TTC23L: variants seen among roughly 807,000 people sequenced by gnomAD.
The protein encoded by TTC23L is tetratricopeptide repeat domain 23 like.
In TTC23L, 42 loss-of-function variants were observed where a neutral mutation model predicts 48.1. The observed-to-expected ratio is 0.87, with a 90% CI of 0.68 to 1.13. The LOEUF (loss-of-function observed/expected upper bound fraction) is 1.13. Among genes scored for constraint, TTC23L ranks in the 50% most tolerant of loss-of-function variants. TTC23L has a pLI of 0.00. For missense variants in TTC23L, 391 were observed against 421.0 expected, an observed-to-expected ratio of 0.93 and a Z score of 0.62; for synonymous variants, 159 against 157.2, an observed-to-expected ratio of 1.01 and a Z score of -0.09.
intron 2 of TTC23L, among the ~76,000 whole-genome samples, chr5:34,843,758 C>G (rs964562740): frequency 6.6e-6 from 1 of 152,084 alleles, no homozygotes; most frequent in Non-Finnish European, 1.5e-5. Context: ...CACAGATTTC[C>G]TCTCTCCTCA....
At chr5:34,867,827 A>G (rs1761183823) in intron 7 of TTC23L, 1 of 152,298 alleles carries the variant, frequency 6.6e-6, no homozygotes, top group South Asian at 2.1e-4. Flanking sequence ...ACAGTCCACA[A>G]TTATAAACAT....
chr5:34,845,437 TG>T, intron 2 of TTC23L, 49 bp from the exon 3 acceptor site: 1 of 1,559,108 alleles, frequency 6.4e-7, no homozygotes, highest in Non-Finnish European at 8.7e-7. Context: ...TTACCTTGTT[TG>T]AGATGGAGAA....
intron 8 of TTC23L, among the ~76,000 whole-genome samples, chr5:34,871,279 A>T (rs1041550152): frequency 6.6e-6 from 1 of 152,032 alleles, no homozygotes; most frequent in Non-Finnish European, 1.5e-5. Context: ...AGCAATGAAC[A>T]ACTGGAAACA....
At position 34,889,118 on chromosome 5, in the gene TTC23L, C is replaced by T. The variant is rs74321882; in HGVS notation, c.1078-7652C>T. ...GTTTGTCTCAGAATAGTATTGACCT[C>T]GAACTGTTCTCTTCTAAGAGGGAAG... On this transcript the variant is annotated intron_variant, in intron 9 of 10. Transcript: ENST00000505624. Among the ~76,000 whole-genome samples, 1,123 of 152,192 alleles carry T rather than the reference C, an allele frequency of 7.4e-3. 13 individuals are homozygous for T. Among genetic ancestry groups the T allele is most frequent in the African/African-American group, 0.026 (1,087 of 41,516 alleles).
At chr5:34,892,032 C>T (rs1356758952) in intron 9 of TTC23L, among the ~76,000 whole-genome samples, 1 of 152,184 alleles carries the variant, frequency 6.6e-6, no homozygotes, top group African/African-American at 2.4e-5. Context: ...CTGAAACAAG[C>T]CCATATCTCA....
the TTC23L span, chr5:34,908,902 A>T: frequency 1.2e-6 from 2 of 1,611,992 alleles, no homozygotes; most frequent in Non-Finnish European, 1.7e-6. Context: ...ACCTTACAAG[A>T]TAGGACTAAT....
the TTC23L span, chr5:34,908,976 A>T: frequency 6.4e-7 from 1 of 1,563,258 alleles, no homozygotes; most frequent in East Asian, 2.2e-5. Flanking sequence ...AAACGCTGTT[A>T]TATCAACACA....
chr5:34,888,047 G>A (rs1433710297), intron 9 of TTC23L, among the ~76,000 whole-genome samples: 2 of 152,290 alleles, frequency 1.3e-5, no homozygotes, highest in Non-Finnish European at 1.5e-5. Flanking sequence ...GGGACCTTTA[G>A]AAGGTGACTA....
At chr5:34,847,973 A>G (rs897083581) in intron 3 of TTC23L, among the ~76,000 whole-genome samples, 1 of 152,148 alleles carries the variant, frequency 6.6e-6, no homozygotes, top group Non-Finnish European at 1.5e-5. Context: ...TTATTCTTCA[A>G]ACGGGTTACA....
the TTC23L span, chr5:34,918,346 C>T: frequency 1.6e-6 from 2 of 1,247,132 alleles, no homozygotes; most frequent in South Asian, 1.2e-5. Context: ...AATCTTTTAA[C>T]ATTTTCTTTT....
intron 9 of TTC23L, among the ~76,000 whole-genome samples, chr5:34,893,705 G>GT (rs1763021017): frequency 6.6e-6 from 1 of 152,076 alleles, no homozygotes. Context: ...GTTAATTATT[G>GT]TAATTATCAT....
chr5:34,909,642 AG>A, the TTC23L span, among the ~76,000 whole-genome samples: 1 of 152,186 alleles, frequency 6.6e-6, no homozygotes, highest in Non-Finnish European at 1.5e-5. Context: ...CTCATCCTTA[AG>A]TCAGAAATAT....
At chr5:34,862,268 G>A (rs1468899420) in intron 4 of TTC23L, among the ~76,000 whole-genome samples, 3 of 152,004 alleles carry the variant, frequency 2.0e-5, no homozygotes, top group Non-Finnish European at 4.4e-5. Flanking sequence ...CTTTTTATGT[G>A]TGTTGTGTGA....
chr5:34,875,636 C>T (rs1044953199), intron 8 of TTC23L, among the ~76,000 whole-genome samples: 3 of 152,132 alleles, frequency 2.0e-5, no homozygotes, highest in African/African-American at 4.8e-5. Context: ...GCAACACCCT[C>T]GCAGACACAC....
the TTC23L span, chr5:34,908,890 A>G: frequency 1.9e-6 from 3 of 1,613,094 alleles, no homozygotes; most frequent in Admixed American, 1.7e-5. Flanking sequence ...GTCCGAATAG[A>G]TACCTTACAA....
chr5:34,890,081 C>A (rs1291299897), intron 9 of TTC23L, among the ~76,000 whole-genome samples: 1 of 151,954 alleles, frequency 6.6e-6, no homozygotes, highest in African/African-American at 2.4e-5. Context: ...TCGTGATCCA[C>A]CCGCCTCAGC....
intron 3 of TTC23L, among the ~76,000 whole-genome samples, chr5:34,846,713 A>G (rs528331571): frequency 8.9e-6 from 1 of 111,886 alleles, no homozygotes; most frequent in African/African-American, 3.1e-5. Context: ...GTGTGTATCC[A>G]TCCTGGAAGG....
chr5:34,886,626 A>G (rs1762560740), intron 9 of TTC23L, among the ~76,000 whole-genome samples: 1 of 152,144 alleles, frequency 6.6e-6, no homozygotes, highest in Non-Finnish European at 1.5e-5. Flanking sequence ...GTACATATGT[A>G]TGCATGTATA....
intron 9 of TTC23L, among the ~76,000 whole-genome samples, chr5:34,886,285 C>T (rs1762531374): frequency 6.8e-6 from 1 of 147,300 alleles, no homozygotes; most frequent in African/African-American, 2.5e-5. Context: ...TGGGTTATGT[C>T]ATTGTTGGGT....
Sources: gnomAD v4.1 joint callset for allele counts (sites outside exome capture counted in the v4.1 genomes callset) on GRCh38, gnomAD v4.1.1 for gene constraint, MANE v1.5 for transcripts, NCBI Gene and HGNC (gene_info 2026-07-23, HGNC 2026-07-21) for gene names.